The following CLASP1 variants were observed in gnomAD, a reference collection of about 807,000 sequenced individuals.
CLASP1 encodes CLIP-associating protein 1.
CLASP1 carries 38 observed loss-of-function variants against 192.3 expected under a neutral mutation model. The ratio of observed to expected loss-of-function variants is 0.20; its 90% CI spans 0.15 to 0.26. The LOEUF is 0.26. Among genes scored for constraint, CLASP1 ranks in the 10% least tolerant of loss-of-function variants. The pLI is 1.00. For missense variants in CLASP1, 1,433 were observed against 1,932.5 expected (o/e 0.74, Z 4.85); for synonymous variants, 691 against 712.8 (o/e 0.97, Z 0.49).
At chr2:121,622,938 T>C (rs953496270) in intron 1 of CLASP1, among the ~76,000 whole-genome samples, 3 of 152,246 alleles carry the variant, frequency 2.0e-5, no homozygotes, top group Non-Finnish European at 4.4e-5. Context: ...ACTATACATG[T>C]TTTGGTCAAG....
At chr2:121,380,638 G>T (rs549690386) in intron 33 of CLASP1, among the ~76,000 whole-genome samples, 1 of 152,062 alleles carries the variant, frequency 6.6e-6, no homozygotes, top group African/African-American at 2.4e-5. Flanking sequence ...GTAGGAAAAG[G>T]GTACAATGTA....
intron 2 of CLASP1, among the ~76,000 whole-genome samples, chr2:121,558,933 C>G (rs80276991): frequency 9.2e-5 from 14 of 152,268 alleles, no homozygotes; most frequent in African/African-American, 2.9e-4. Flanking sequence ...TTCAACCTGG[C>G]CTGGGAACCT....
intron 2 of CLASP1, among the ~76,000 whole-genome samples, chr2:121,595,825 TTA>T (rs2063070032): frequency 6.6e-6 from 1 of 152,222 alleles, no homozygotes; most frequent in African/African-American, 2.4e-5. Flanking sequence ...TCCTCAGATT[TTA>T]TGAGTATTTG....
intron 2 of CLASP1, among the ~76,000 whole-genome samples, chr2:121,569,834 G>T (rs2059828695): frequency 6.6e-6 from 1 of 151,770 alleles, no homozygotes; most frequent in East Asian, 1.9e-4. Context: ...GGGAGACTCT[G>T]TCTCAAAAAA....
intron 2 of CLASP1, among the ~76,000 whole-genome samples, chr2:121,573,725 A>G (rs1171463447): frequency 2.6e-5 from 4 of 152,186 alleles, no homozygotes; most frequent in Non-Finnish European, 4.4e-5. Context: ...GTTTGGCCAA[A>G]TGTTACCATT....
At chr2:121,455,655 G>A (rs1156469664) in intron 14 of CLASP1, among the ~76,000 whole-genome samples, 3 of 152,170 alleles carry the variant, frequency 2.0e-5, no homozygotes, top group Non-Finnish European at 4.4e-5. Context: ...CACTTTGGAG[G>A]TTGAGGCCAG....
At chr2:121,342,796 G>A (rs2062948478) in intron 39 of CLASP1, among the ~76,000 whole-genome samples, 1 of 152,128 alleles carries the variant, frequency 6.6e-6, no homozygotes, top group South Asian at 2.1e-4. Context: ...AATTAGCTGG[G>A]ATTATGTGTG....
rs192532402 is a variant in CLASP1 at position 121,420,519 on chromosome 2, T to C, written c.2213-1790A>G. Among the ~76,000 whole-genome samples the C allele has an allele frequency of 6.2e-3, 937 of 152,278 alleles. 4 individuals are homozygous for C. Among genetic ancestry groups the C allele is most frequent in the Admixed American group, 0.011 (166 of 15,300 alleles). ...CTCACTGGTCCAGCCACTTGGCCTC[T>C]TTGGGTCTCAAGCCTCCCATTAGGA... On this transcript the variant is annotated intron_variant, in intron 22 of 39. Coordinates refer to ENST00000263710, the Ensembl canonical transcript of CLASP1.
chr2:121,503,218 T>C, exon 8 of CLASP1: 1 of 1,541,448 alleles, frequency 6.5e-7, no homozygotes, highest in East Asian at 2.4e-5. Flanking sequence ...TCAAATTTTG[T>C]AAAAATTACA....
intron 39 of CLASP1, among the ~76,000 whole-genome samples, chr2:121,346,749 T>C (rs1330905635): frequency 1.3e-5 from 2 of 152,260 alleles, no homozygotes; most frequent in Non-Finnish European, 2.9e-5. Context: ...AAAAATCGGA[T>C]GGTTTCTAAT....
rs1559365522 is a variant in CLASP1 at position 121,478,673 on chromosome 2, A to ACC, written c.713-8715_713-8714dup. On this transcript the variant is annotated intron_variant, in intron 8 of 39. Coordinates refer to ENST00000263710, the Ensembl canonical transcript of CLASP1. ...CCACACACACACACCCCCCACACAC[A>ACC]CCACACACACACCCCACACACACAA... 8.9e-3 allele frequency among the ~76,000 whole-genome samples: 624 copies of ACC among 70,308 alleles called. 18 individuals are homozygous for ACC. Among genetic ancestry groups the ACC allele is most frequent in the African/African-American group, 0.03 (576 of 19,090 alleles). 46.1% of individuals were successfully genotyped at this position (70,308 alleles called of 152,430 possible). A position where few individuals can be genotyped will look rare whatever the true frequency, so the allele number is the denominator to read the frequency against.
intron 2 of CLASP1, among the ~76,000 whole-genome samples, chr2:121,539,357 G>A (rs1162691883): frequency 6.6e-6 from 1 of 152,106 alleles, no homozygotes; most frequent in Non-Finnish European, 1.5e-5. Flanking sequence ...GCCTATGAGG[G>A]TATTTTATGA....
intron 1 of CLASP1, among the ~76,000 whole-genome samples, chr2:121,622,990 A>G (rs758859786): frequency 3.9e-5 from 6 of 152,098 alleles, no homozygotes; most frequent in Non-Finnish European, 5.9e-5. Context: ...TTGGGAGGCC[A>G]AGGTGGGTGG....
intron 1 of CLASP1, among the ~76,000 whole-genome samples, chr2:121,629,036 G>T (rs2068943399): frequency 6.6e-6 from 1 of 151,724 alleles, no homozygotes; most frequent in Admixed American, 6.6e-5. Context: ...CAGGGAAGTG[G>T]GAAATAAATT....
intron 8 of CLASP1, among the ~76,000 whole-genome samples, chr2:121,494,866 C>CA (rs1287331784): frequency 2.0e-5 from 3 of 151,360 alleles, no homozygotes; most frequent in African/African-American, 7.3e-5. Context: ...ACTAAAAATA[C>CA]AAAAAATTAC....
chr2:121,343,099 G>C (rs751278442), intron 39 of CLASP1, among the ~76,000 whole-genome samples: 54 of 152,044 alleles, frequency 3.6e-4, no homozygotes, highest in Admixed American at 1.4e-3. Context: ...AATAGGGAAA[G>C]GATCATCTTT....
chr2:121,604,436 A>C (rs924436564), intron 2 of CLASP1, among the ~76,000 whole-genome samples: 4 of 152,162 alleles, frequency 2.6e-5, no homozygotes, highest in African/African-American at 7.2e-5. Flanking sequence ...TGGGAGGAGG[A>C]GGCGGGTGGC....
intron 12 of CLASP1, among the ~76,000 whole-genome samples, 157 bp from the exon 13 acceptor site, chr2:121,459,132 T>C (rs1462107533): frequency 6.6e-6 from 1 of 151,672 alleles, no homozygotes; most frequent in Non-Finnish European, 1.5e-5. Flanking sequence ...CAAATAGTTC[T>C]TAGCCCAAAA....
At chr2:121,552,315 C>A (rs2058113015) in intron 2 of CLASP1, among the ~76,000 whole-genome samples, 1 of 152,018 alleles carries the variant, frequency 6.6e-6, no homozygotes, top group Non-Finnish European at 1.5e-5. Context: ...CAAAAGCAAT[C>A]GCAACAAAAG....
Sources: gnomAD v4.1 joint callset for allele counts (sites outside exome capture counted in the v4.1 genomes callset) on GRCh38, gnomAD v4.1.1 for gene constraint, MANE v1.5 for transcripts, NCBI Gene and HGNC (gene_info 2026-07-23, HGNC 2026-07-21) for gene names.